EPHA6: variants seen among roughly 807,000 people sequenced by gnomAD.
EPHA6 encodes EPH receptor A6, also known as ephrin type-A receptor 6.
EPHA6 carries 50 observed loss-of-function variants against 112.0 expected under a neutral mutation model. That is an observed-to-expected ratio of 0.45 (90% CI 0.36 to 0.56). EPHA6 has a LOEUF of 0.56. EPHA6 is among the 20% of genes least tolerant of loss of function. EPHA6 has a pLI of 0.00. For missense variants in EPHA6, 1,280 were observed against 1,417.4 expected, an observed-to-expected ratio of 0.90 and a Z score of 1.56; for synonymous variants, 529 against 490.7, an observed-to-expected ratio of 1.08 and a Z score of -1.03.
At chr3:97,665,757 C>A (rs534020680) in intron 14 of EPHA6, among the ~76,000 whole-genome samples, 1 of 152,292 alleles carries the variant, frequency 6.6e-6, no homozygotes. Flanking sequence ...CATGGTCCAC[C>A]ATTTAAAGAA....
chr3:97,053,370 G>T (rs1395433640), intron 3 of EPHA6, among the ~76,000 whole-genome samples: 2 of 152,082 alleles, frequency 1.3e-5, no homozygotes, highest in Non-Finnish European at 2.9e-5. Context: ...ATGGGAACAT[G>T]TGCTGGTACT....
chr3:96,859,771 A>G (rs2107420341), intron 1 of EPHA6, among the ~76,000 whole-genome samples: 1 of 152,226 alleles, frequency 6.6e-6, no homozygotes, highest in East Asian at 1.9e-4. Context: ...TCCTTGGCAC[A>G]TTTATGAAAA....
intron 5 of EPHA6, among the ~76,000 whole-genome samples, chr3:97,401,837 T>C (rs988527418): frequency 2.0e-5 from 3 of 151,882 alleles, no homozygotes; most frequent in Admixed American, 1.3e-4. Flanking sequence ...TGCCTTTGTA[T>C]ATCTCTTAGG....
intron 6 of EPHA6, 78 bp downstream of exon 6, chr3:97,405,352 A>C: frequency 7.9e-7 from 1 of 1,260,074 alleles, no homozygotes; most frequent in South Asian, 1.6e-5. Context: ...TCGTTATACT[A>C]TATTATTTTA....
chr3:97,517,469 A>T (rs1439835371), intron 10 of EPHA6, among the ~76,000 whole-genome samples: 1 of 151,924 alleles, frequency 6.6e-6, no homozygotes, highest in Non-Finnish European at 1.5e-5. Flanking sequence ...CATAAATGTT[A>T]TTTTTAATTA....
chr3:97,198,897 G>C (rs1421385333), intron 3 of EPHA6, among the ~76,000 whole-genome samples: 1 of 152,094 alleles, frequency 6.6e-6, no homozygotes, highest in African/African-American at 2.4e-5. Context: ...TGCCTTCCAT[G>C]ATGATGACTG....
chr3:96,839,055 C>G (rs1356590874), intron 1 of EPHA6, among the ~76,000 whole-genome samples: 3 of 152,064 alleles, frequency 2.0e-5, no homozygotes, highest in Admixed American at 1.3e-4. Flanking sequence ...TAAAGCAAAA[C>G]TATTTGAGTT....
intron 5 of EPHA6, among the ~76,000 whole-genome samples, chr3:97,399,152 G>A (rs759299891): frequency 1.1e-4 from 16 of 151,410 alleles, no homozygotes; most frequent in Non-Finnish European, 2.1e-4. Flanking sequence ...TGTACAATAA[G>A]ATCAAATATT....
At chr3:97,146,739 A>G (rs1367250952) in intron 3 of EPHA6, among the ~76,000 whole-genome samples, 1 of 151,882 alleles carries the variant, frequency 6.6e-6, no homozygotes, top group Non-Finnish European at 1.5e-5. Context: ...TCTTTAGTTG[A>G]TAATCTTGTT....
intron 3 of EPHA6, among the ~76,000 whole-genome samples, chr3:97,106,724 G>T (rs1346230225): frequency 6.6e-6 from 1 of 152,070 alleles, no homozygotes; most frequent in Non-Finnish European, 1.5e-5. Context: ...TAAACTAAAA[G>T]AGCACCCTGT....
chr3:97,601,612 G>A (rs773483138), intron 12 of EPHA6, among the ~76,000 whole-genome samples: 28 of 152,122 alleles, frequency 1.8e-4, no homozygotes, highest in South Asian at 8.3e-4. Flanking sequence ...TCTTAACAGC[G>A]AGTGCATTTA....
At position 97,663,913 on chromosome 3, in the gene EPHA6, G is replaced by A. The variant is rs532690327; in HGVS notation, c.2784+25831G>A. Among the ~76,000 whole-genome samples the A allele has an allele frequency of 2.6e-3, 396 of 152,258 alleles. 1 individual carries two copies. Among genetic ancestry groups the A allele is most frequent in the African/African-American group, 8.4e-3 (348 of 41,550 alleles). On this transcript the variant is annotated intron_variant, in intron 14 of 17. Transcript: ENST00000389672. ...TAGATCCCCGAGGAATTGCCACACC[G>A]TCTTCCACAATGGTTGAACTAGTTT... is the stretch of plus-strand genomic sequence containing the variant.
rs773038609 is a variant in EPHA6 at position 96,928,566 on chromosome 3, G to A, written c.451-58764G>A. On this transcript the variant is annotated intron_variant, in intron 2 of 17. Coordinates refer to ENST00000389672, the MANE Select transcript of EPHA6 (RefSeq NM_001080448.3). ...GTGTGTCAATTTGAGAGTAAGTGCC[G>A]TGCGGTGATGAGAAGAATGTATATT... Among the ~76,000 whole-genome samples, 8 of 152,080 alleles carry A rather than the reference G, an allele frequency of 5.3e-5. No homozygotes were observed. The East Asian group carries it at 5.8e-4, about 11-fold the overall frequency.
At chr3:96,953,392 G>T (rs532063428) in intron 2 of EPHA6, among the ~76,000 whole-genome samples, 1 of 151,972 alleles carries the variant, frequency 6.6e-6, no homozygotes, top group Non-Finnish European at 1.5e-5. Context: ...TATTATCACC[G>T]TTCCTTTTTC....
At chr3:96,911,080 G>A (rs1335948241) in intron 2 of EPHA6, among the ~76,000 whole-genome samples, 1 of 152,052 alleles carries the variant, frequency 6.6e-6, no homozygotes, top group Admixed American at 6.6e-5. Context: ...GGGGGAAAAT[G>A]CTGATGGCTA....
chr3:97,657,912 A>G (rs900507613), intron 14 of EPHA6, among the ~76,000 whole-genome samples: 11 of 151,742 alleles, frequency 7.2e-5, no homozygotes, highest in African/African-American at 2.4e-4. Context: ...CCCTACTACA[A>G]TCTAGACACA....
chr3:96,935,329 A>T (rs903084026), intron 2 of EPHA6, among the ~76,000 whole-genome samples: 13 of 151,906 alleles, frequency 8.6e-5, no homozygotes, highest in African/African-American at 2.4e-4. Flanking sequence ...ATGATATATT[A>T]TTCCAGGATA....
At chr3:97,241,805 T>G (rs575784529) in intron 4 of EPHA6, among the ~76,000 whole-genome samples, 1 of 149,212 alleles carries the variant, frequency 6.7e-6, no homozygotes, top group East Asian at 2.0e-4. Context: ...CGGACAGTTA[T>G]ATACTTATAG....
chr3:97,120,986 C>T (rs1363945690), intron 3 of EPHA6, among the ~76,000 whole-genome samples: 1 of 151,802 alleles, frequency 6.6e-6, no homozygotes, highest in Non-Finnish European at 1.5e-5. Flanking sequence ...GAAACAGATT[C>T]AGAAATGTTA....
Sources: gnomAD v4.1 joint callset for allele counts (sites outside exome capture counted in the v4.1 genomes callset) on GRCh38, gnomAD v4.1.1 for gene constraint, MANE v1.5 for transcripts, NCBI Gene and HGNC (gene_info 2026-07-23, HGNC 2026-07-21) for gene names.